The following STXBP3 variants were observed in gnomAD, a reference collection of about 807,000 sequenced individuals.
STXBP3 encodes the protein syntaxin binding protein 3.
A neutral mutation model predicts 85.7 loss-of-function variants in STXBP3; 41 were observed. The ratio of observed to expected loss-of-function variants is 0.48; its 90% CI spans 0.37 to 0.62. STXBP3 has a LOEUF of 0.62. Ranked by LOEUF, STXBP3 falls within the 20% of genes least tolerant of loss-of-function variation. The pLI is 0.00. For synonymous variants in STXBP3, 229 were observed against 231.7 expected, an observed-to-expected ratio of 0.99 and a Z score of 0.10; for missense variants, 563 against 703.1, an observed-to-expected ratio of 0.80 and a Z score of 2.25.
intron 5 of STXBP3, among the ~76,000 whole-genome samples, chr1:108,759,493 A>G (rs1471040469): frequency 6.6e-6 from 1 of 152,190 alleles, no homozygotes; most frequent in African/African-American, 2.4e-5. Flanking sequence ...GAAAGGGGAA[A>G]AACACTGGCT....
chr1:108,784,454 A>G (rs1307722494), intron 11 of STXBP3, among the ~76,000 whole-genome samples: 2 of 152,214 alleles, frequency 1.3e-5, no homozygotes, highest in African/African-American at 4.8e-5. Context: ...CACTATCACA[A>G]GAATAGCATG....
chr1:108,807,953 C>G (rs1663378971), intron 18 of STXBP3, among the ~76,000 whole-genome samples: 1 of 152,138 alleles, frequency 6.6e-6, no homozygotes, highest in Non-Finnish European at 1.5e-5. Flanking sequence ...ACATTTGAGA[C>G]AAAATTTAAT....
intron 6 of STXBP3, among the ~76,000 whole-genome samples, chr1:108,770,286 C>T (rs1286250019): frequency 6.6e-6 from 1 of 152,060 alleles, no homozygotes; most frequent in Non-Finnish European, 1.5e-5. Context: ...CAGAGTGAGT[C>T]CCCATCTTAA....
At chr1:108,765,846 ATTTTTTTTTTT>A (rs1221460441) in intron 6 of STXBP3, among the ~76,000 whole-genome samples, 1 of 74,016 alleles carries the variant, frequency 1.4e-5, no homozygotes, top group Admixed American at 1.6e-4. Flanking sequence ...TGCTCCCGGC[ATTTTTTTTTTT>A]TTTTTTTTTT....
chr1:108,758,289 C>A (rs1662061979), intron 4 of STXBP3, among the ~76,000 whole-genome samples: 1 of 148,988 alleles, frequency 6.7e-6, no homozygotes, highest in African/African-American at 2.5e-5. Flanking sequence ...TTTTCCAAAA[C>A]CAAAAATGGT....
chr1:108,807,490 C>G lies in STXBP3; in HGVS notation c.1625C>G (p.Ser542Cys). 1 of 1,612,864 alleles carries G rather than the reference C, an allele frequency of 6.2e-7. No homozygotes were observed. Among genetic ancestry groups the G allele is most frequent in the Non-Finnish European group, 8.5e-7 (1 of 1,179,838 alleles). ...IVFVIGGITY[S>C]EVRCAYEVSQ... The stretch of plus-strand genomic sequence containing the variant: ...TTTGTAATTGGAGGGATCACATACT[C>G]TGAAGTGCGTTGTGCTTATGAAGTT... Residue 542 changes from serine to cysteine, a missense_variant, in exon 18 of 19, where the codon TCT becomes TGT. Ser to Cys is a moderately radical substitution (Grantham distance 112). Around this residue, in one of 3 missense-constraint regions of STXBP3, gnomAD observed 494 missense variants for 592.8 expected, o/e 0.83. Transcript: ENST00000370008.
intron 3 of STXBP3, among the ~76,000 whole-genome samples, chr1:108,754,543 A>G (rs1661979359): frequency 6.6e-6 from 1 of 152,214 alleles, no homozygotes; most frequent in Non-Finnish European, 1.5e-5. Flanking sequence ...GATAATACAT[A>G]AAAGTTCTGT....
Position 108,808,474 on chromosome 1 carries a change from A to G in STXBP3, c.1685-309A>G, listed in dbSNP as rs190799263. Among the ~76,000 whole-genome samples the G allele has an allele frequency of 9.8e-5, 15 of 152,336 alleles. No homozygotes were observed. In the East Asian group the frequency reaches 2.9e-3, roughly 29 times the overall value. On this transcript the variant is annotated intron_variant, in intron 18 of 18. Transcript: ENST00000370008. Reference sequence around the variant, plus strand: ...ACTGCTTAGTGGATCTCTATTATTGAACAATAACTGTTATAGTGCTGAGGA... The same window carrying G: ...ACTGCTTAGTGGATCTCTATTATTGGACAATAACTGTTATAGTGCTGAGGA...
intron 6 of STXBP3, among the ~76,000 whole-genome samples, chr1:108,770,456 T>A (rs1662364546): frequency 2.0e-5 from 3 of 150,454 alleles, no homozygotes. Context: ...ACAGTTCAAG[T>A]GTAGGGTGCT....
At chr1:108,807,245 G>A (rs1391749897) in intron 17 of STXBP3, among the ~76,000 whole-genome samples, 156 bp from the exon 18 acceptor site, 3 of 131,064 alleles carry the variant, frequency 2.3e-5, no homozygotes, top group Non-Finnish European at 4.7e-5. Context: ...GCTACAAAGT[G>A]AGACTCCACC....
At chr1:108,770,174 T>G (rs772996673) in intron 6 of STXBP3, among the ~76,000 whole-genome samples, 6 of 151,978 alleles carry the variant, frequency 3.9e-5, no homozygotes, top group Non-Finnish European at 5.9e-5. Flanking sequence ...CACATACCTG[T>G]GGTCCTAGCT....
chr1:108,781,136 C>T (rs1662708799), intron 9 of STXBP3: 3 of 152,134 alleles, frequency 2.0e-5, no homozygotes, highest in Non-Finnish European at 4.4e-5. Context: ...TGTGTAAGAA[C>T]AAAGTGGTAT....
chr1:108,795,020 ACTCT>A (rs1437457881), intron 13 of STXBP3, 113 bp downstream of exon 13: 2 of 826,976 alleles, frequency 2.4e-6, no homozygotes, highest in African/African-American at 1.7e-5. Context: ...AGAATCACAG[ACTCT>A]CTCTTATCAG....
chr1:108,798,303 A>T (rs1303954372), intron 16 of STXBP3, 66 bp downstream of exon 16: 11 of 1,256,494 alleles, frequency 8.8e-6, no homozygotes, highest in Admixed American at 2.0e-5. Flanking sequence ...TACTTTTTGT[A>T]GTTTATGTCA....
chr1:108,808,884 T>C lies in STXBP3; in HGVS notation c.*7T>C, dbSNP rs919474114. The C allele has an allele frequency of 1.3e-5, 20 of 1,575,202 alleles. No individual in the cohort carries two copies. Among genetic ancestry groups the C allele is most frequent in the Non-Finnish European group, 1.6e-5 (19 of 1,152,656 alleles). ...CTTAATTAAAGATGAATAGCATTTC[T>C]TTTTGGAGGGTTTAGAGATTCTTAC... is the stretch of plus-strand genomic sequence containing the variant. On this transcript the variant is annotated 3_prime_UTR_variant, in exon 19 of 19. Coordinates refer to ENST00000370008, the MANE Select transcript of STXBP3 (RefSeq NM_007269.4).
intron 7 of STXBP3, 83 bp downstream of exon 7, chr1:108,772,902 T>C (rs1662500279): frequency 7.8e-7 from 1 of 1,287,870 alleles, no homozygotes; most frequent in African/African-American, 1.5e-5. Flanking sequence ...TACCTTGGCA[T>C]GTTGGTTTGC....
intron 11 of STXBP3, among the ~76,000 whole-genome samples, chr1:108,787,548 A>AT (rs149799815): frequency 2.4e-4 from 36 of 147,542 alleles, no homozygotes; most frequent in Middle Eastern, 3.5e-3. Flanking sequence ...TACGTTTAAA[A>AT]TTTTTTTTTT....
chr1:108,798,156 C>T lies in STXBP3; in HGVS notation c.1368C>T (p.Gly456=). 1 of 1,608,858 alleles carries T rather than the reference C, an allele frequency of 6.2e-7. No individual in the cohort carries two copies. The highest frequency in any genetic ancestry group is 8.5e-7 in the Non-Finnish European group (1 of 1,178,364). Reference sequence around the variant, plus strand: ...TCTAATTGTATTAGTCTCAACAAGGCAAACCGTTAAGAAAGGATCGGTCTG... The same window carrying T: ...TCTAATTGTATTAGTCTCAACAAGGTAAACCGTTAAGAAAGGATCGGTCTG... ...GVPIVPQSQQ[G]KPLRKDRSAE... Residue 456 remains glycine (G), a synonymous_variant, in exon 16 of 19, where the codon GGC becomes GGT. Coordinates refer to ENST00000370008, the MANE Select transcript of STXBP3 (RefSeq NM_007269.4).
rs551632212 is a variant in STXBP3 at position 108,748,797 on chromosome 1, A to G, written c.49+2011A>G. ...CAGTGAGCAGTGATCATGCCACTCA[A>G]TTCAGCCTGGGTGACAGAGCATAAC... On this transcript the variant is annotated intron_variant, in intron 1 of 18. Transcript: ENST00000370008. Among the ~76,000 whole-genome samples the G allele has an allele frequency of 1.5e-3, 221 of 150,920 alleles. 1 individual carries two copies. The highest frequency in any genetic ancestry group is 2.6e-3 in the Non-Finnish European group (177 of 67,636).
Sources: gnomAD v4.1 joint callset for allele counts (sites outside exome capture counted in the v4.1 genomes callset) on GRCh38, gnomAD v4.1.1 for gene constraint, gnomAD v4.1.1 regional missense constraint, MANE v1.5 for transcripts, NCBI Gene and HGNC (gene_info 2026-07-23, HGNC 2026-07-21) for gene names.